The following RBFOX1 variants were observed in gnomAD, a reference collection of about 807,000 sequenced individuals.
RBFOX1 encodes RNA binding fox-1 homolog 1, also known as RNA binding protein fox-1 homolog 1.
In RBFOX1, 8 loss-of-function variants were observed where a neutral mutation model predicts 57.7. The ratio of observed to expected loss-of-function variants is 0.14; its 90% confidence interval spans 0.08 to 0.25. The LOEUF is 0.25. RBFOX1 is among the 10% of genes least tolerant of loss of function. The pLI is 1.00. For missense variants in RBFOX1, 611 were observed against 548.5 expected, an observed-to-expected ratio of 1.11 and a Z score of -1.14; for synonymous variants, 326 against 222.4, an observed-to-expected ratio of 1.47 and a Z score of -4.15.
intron 1 of RBFOX1, among the ~76,000 whole-genome samples, chr16:5,459,716 C>G (rs928703277): frequency 1.3e-5 from 2 of 152,140 alleles, no homozygotes; most frequent in Non-Finnish European, 2.9e-5. Flanking sequence ...TCACAGCACA[C>G]ATACACACAT....
At chr16:7,003,581 G>A (rs551748258) in intron 3 of RBFOX1, among the ~76,000 whole-genome samples, 2 of 152,004 alleles carry the variant, frequency 1.3e-5, no homozygotes, top group African/African-American at 2.4e-5. Flanking sequence ...TTGAAACAAG[G>A]TATTAAAATA....
intron 1 of RBFOX1, among the ~76,000 whole-genome samples, chr16:6,193,098 C>G (rs2097152204): frequency 6.6e-6 from 1 of 151,872 alleles, no homozygotes; most frequent in South Asian, 2.1e-4. Flanking sequence ...ATCTCTAACT[C>G]TGTAATACAT....
intron 15 of RBFOX1, chr16:7,709,724 G>T: frequency 1.1e-6 from 1 of 914,060 alleles, no homozygotes; most frequent in Non-Finnish European, 1.3e-6. Flanking sequence ...TTTTGTTTTG[G>T]GGCAGGTCTG....
At chr16:6,501,872 C>T (rs966635496) in intron 2 of RBFOX1, among the ~76,000 whole-genome samples, 1 of 152,200 alleles carries the variant, frequency 6.6e-6, no homozygotes, top group African/African-American at 2.4e-5. Flanking sequence ...GTCTTCCACT[C>T]TGGCTTTACT....
At chr16:5,804,460 G>C (rs2055163333) in intron 3 of RBFOX1, among the ~76,000 whole-genome samples, 1 of 152,204 alleles carries the variant, frequency 6.6e-6, no homozygotes, top group African/African-American at 2.4e-5. Context: ...GATAAGGTTT[G>C]AACTTTGAGG....
At chr16:5,803,551 T>A (rs868003494) in intron 3 of RBFOX1, among the ~76,000 whole-genome samples, 12 of 152,208 alleles carry the variant, frequency 7.9e-5, no homozygotes, top group South Asian at 2.1e-4. Context: ...CCGTGAAGCA[T>A]ATGTATGGTG....
At chr16:7,510,052 C>A in intron 4 of RBFOX1, 1 of 698,452 alleles carries the variant, frequency 1.4e-6, no homozygotes, top group Non-Finnish European at 1.8e-6. Context: ...AGAGGAGGAG[C>A]AAGCTGTGAT....
At position 6,140,002 on chromosome 16, in the gene RBFOX1, G is replaced by A. The variant is rs376120204; in HGVS notation, c.-127+120010G>A. Among the ~76,000 whole-genome samples, 24 of 152,212 alleles carry A rather than the reference G, an allele frequency of 1.6e-4. No homozygotes were observed. In the South Asian group the frequency reaches 5.0e-3, roughly 32 times the overall value. ...TCAAGATTCAGCTGGAAAAAATACG[G>A]AATATTGTGTTAATTTGTCTTACCA... On this transcript the variant is annotated intron_variant, in intron 1 of 15. Transcript: ENST00000550418.
At chr16:6,556,049 A>C (rs2097093846) in intron 2 of RBFOX1, among the ~76,000 whole-genome samples, 1 of 152,120 alleles carries the variant, frequency 6.6e-6, no homozygotes, top group African/African-American at 2.4e-5. Context: ...GGGCATTTTG[A>C]GACTAGTGAA....
chr16:5,560,743 G>T (rs997820197), intron 2 of RBFOX1, among the ~76,000 whole-genome samples: 4 of 152,150 alleles, frequency 2.6e-5, no homozygotes, highest in African/African-American at 9.6e-5. Context: ...ACCTGCTATT[G>T]GACTTCTCTG....
intron 3 of RBFOX1, among the ~76,000 whole-genome samples, chr16:5,704,853 T>C (rs1889672515): frequency 6.6e-6 from 1 of 152,080 alleles, no homozygotes; most frequent in Admixed American, 6.5e-5. Context: ...TTTGGAAACA[T>C]GGGGTAATTT....
chr16:5,539,273 C>G (rs576683524), intron 2 of RBFOX1, among the ~76,000 whole-genome samples: 1 of 152,240 alleles, frequency 6.6e-6, no homozygotes, highest in Admixed American at 6.5e-5. Flanking sequence ...TGTGTCCCTA[C>G]TCATTTGTTT....
At position 6,788,675 on chromosome 16, in the gene RBFOX1, C is replaced by T. The variant is rs111834039; in HGVS notation, c.-16+134025C>T. On this transcript the variant is annotated intron_variant, in intron 3 of 15. Transcript: ENST00000550418. ...TATTTTTAGTAGAGACGGGGTTTCA[C>T]CGTGTTAGCCAGGATGGTCTCTATC... Among the ~76,000 whole-genome samples the T allele has an allele frequency of 7.2e-4, 110 of 151,954 alleles. 1 individual carries two copies. The highest frequency in any genetic ancestry group is 3.4e-3 in the Middle Eastern group (1 of 294).
intron 5 of RBFOX1, among the ~76,000 whole-genome samples, chr16:7,564,623 C>T (rs918019517): frequency 6.7e-6 from 1 of 149,062 alleles, no homozygotes; most frequent in Non-Finnish European, 1.5e-5. Context: ...AGTTGGCTGG[C>T]ACTTTGATCC....
rs769016382 is a variant in RBFOX1 at position 5,596,344 on chromosome 16, AT to A, written c.259-2554del. On this transcript the variant is annotated intron_variant, in intron 2 of 2. Transcript: ENST00000585867. ...GACTCTTAATTTTGACTCAAACCTA[AT>A]TTTACCTTCCTAAGGCTGGTGGTTG... 3.3e-5 allele frequency among the ~76,000 whole-genome samples: 5 copies of A among 152,104 alleles called. No homozygotes were observed. In the East Asian group the frequency reaches 9.6e-4, roughly 29 times the overall value.
intron 3 of RBFOX1, among the ~76,000 whole-genome samples, chr16:6,707,982 A>G (rs533384127): frequency 3.3e-5 from 5 of 152,152 alleles, no homozygotes; most frequent in Non-Finnish European, 7.3e-5. Context: ...AAGAAAACCT[A>G]GACATCAGGT....
At chr16:6,803,271 A>G (rs191083602) in intron 3 of RBFOX1, among the ~76,000 whole-genome samples, 248 of 152,216 alleles carry the variant, frequency 1.6e-3, no homozygotes, top group African/African-American at 5.6e-3. Context: ...GCAAACTTCA[A>G]TTTTCAGGAA....
chr16:6,462,437 C>A (rs1274600522), intron 2 of RBFOX1, among the ~76,000 whole-genome samples: 1 of 152,196 alleles, frequency 6.6e-6, no homozygotes, highest in Non-Finnish European at 1.5e-5. Context: ...CTACTTACTC[C>A]TTTTACATAT....
At chr16:7,433,797 G>A (rs181532060) in intron 4 of RBFOX1, among the ~76,000 whole-genome samples, 83 of 152,116 alleles carry the variant, frequency 5.5e-4, no homozygotes, top group African/African-American at 2.0e-3. Context: ...CAGCCAGACA[G>A]CTAGCCAGCC....
Sources: gnomAD v4.1 joint callset for allele counts (sites outside exome capture counted in the v4.1 genomes callset) on GRCh38, gnomAD v4.1.1 for gene constraint, MANE v1.5 for transcripts, NCBI Gene and HGNC (gene_info 2026-07-23, HGNC 2026-07-21) for gene names.